The following ZEB1 variants were observed in gnomAD, a reference collection of about 807,000 sequenced individuals.
ZEB1 encodes zinc finger E-box binding homeobox 1, also known as zinc finger E-box-binding homeobox 1.
ZEB1 carries 21 observed loss-of-function variants against 84.9 expected under a neutral mutation model. The observed-to-expected ratio is 0.25, with a 90% confidence interval of 0.18 to 0.36. ZEB1 has a LOEUF of 0.36. Among genes scored for constraint, ZEB1 ranks in the 10% least tolerant of loss-of-function variants. ZEB1 has a pLI of 1.00. For synonymous variants in ZEB1, 420 were observed against 471.1 expected (o/e 0.89, Z 1.41); for missense variants, 1,104 against 1,330.2 (o/e 0.83, Z 2.65).
At chr10:31,334,551 A>G (rs1052036676) in intron 1 of ZEB1, among the ~76,000 whole-genome samples, 14 of 152,112 alleles carry the variant, frequency 9.2e-5, no homozygotes, top group Admixed American at 2.0e-4. Context: ...GAAAAAAAGC[A>G]TACTCCCCGA....
In ZEB1 at chr10:31,364,658, A is replaced by G. The variant is rs537010343; in HGVS notation, c.58+45366A>G. Among the ~76,000 whole-genome samples the G allele has an allele frequency of 9.2e-5, 14 of 152,170 alleles. No individual in the cohort carries two copies. In the South Asian group the frequency reaches 2.9e-3, roughly 32 times the overall value. On this transcript the variant is annotated intron_variant, in intron 1 of 8. Transcript: ENST00000424869. Reference sequence around the variant, plus strand: ...CCTGACTGGATGCACCTCTTACCACATGCCTCCCTGGCAGGCAGGGTCTCC... The same window carrying G: ...CCTGACTGGATGCACCTCTTACCACGTGCCTCCCTGGCAGGCAGGGTCTCC...
intron 1 of ZEB1, chr10:31,321,458 T>C: frequency 1.2e-6 from 2 of 1,614,014 alleles, no homozygotes; most frequent in Non-Finnish European, 1.7e-6. Context: ...CAATTTTAAT[T>C]TCCTGTTTTA....
At chr10:31,489,191 A>G (rs78872439) in intron 2 of ZEB1, among the ~76,000 whole-genome samples, 2,302 of 151,382 alleles carry the variant, frequency 0.015, 43 homozygotes, top group African/African-American at 0.052. Flanking sequence ...TTCTTGGCAA[A>G]TTGACCCTCT....
intron 1 of ZEB1, among the ~76,000 whole-genome samples, chr10:31,424,586 G>C (rs2136112483): frequency 6.6e-6 from 1 of 151,998 alleles, no homozygotes; most frequent in South Asian, 2.1e-4. Context: ...TTTCATTTCA[G>C]AATGACCTTA....
intron 1 of ZEB1, among the ~76,000 whole-genome samples, chr10:31,449,257 C>T (rs567760841): frequency 5.3e-5 from 8 of 152,380 alleles, no homozygotes; most frequent in African/African-American, 1.4e-4. Context: ...GGCAATGCCT[C>T]GCCCTGCTTC....
chr10:31,330,842 C>T (rs1399349323), intron 1 of ZEB1, among the ~76,000 whole-genome samples: 2 of 109,616 alleles, frequency 1.8e-5, no homozygotes, highest in Non-Finnish European at 3.9e-5. Flanking sequence ...TTTAACTTTT[C>T]TGTTTTATTT....
At chr10:31,326,649 G>A (rs963143103) in intron 1 of ZEB1, among the ~76,000 whole-genome samples, 3 of 151,992 alleles carry the variant, frequency 2.0e-5, no homozygotes, top group Admixed American at 1.3e-4. Context: ...TTCCTAGTTC[G>A]GTATTCTTTT....
In ZEB1 at chr10:31,520,739, T is replaced by C; in HGVS notation, c.1407T>C (p.Asp469=). ...SAISLPLVDQ[D]GTTKIIINYS... is the part of the protein sequence containing the mutation. ...TCAGTCTTCCTTTGGTTGATCAAGA[T>C]GGAACAACCAAAATTATCATCAACT... The change falls in exon 7 of 9, where the codon GAT becomes GAC. Residue 469 remains aspartate (D), a synonymous_variant. Coordinates refer to ENST00000424869, the MANE Select transcript of ZEB1 (RefSeq NM_001174096.2). This position sits in a 1 kb window ranked among gnomAD's most constrained non-coding sequence, Gnocchi z 5.1. 1 of 1,614,104 alleles carries C rather than the reference T, an allele frequency of 6.2e-7. No homozygotes were observed. The highest frequency in any genetic ancestry group is 8.5e-7 in the Non-Finnish European group (1 of 1,179,998).
intron 1 of ZEB1, among the ~76,000 whole-genome samples, chr10:31,367,888 G>A (rs2044842303): frequency 1.3e-5 from 2 of 151,624 alleles, no homozygotes. Flanking sequence ...AGAACATTGA[G>A]GAAAATTTTT....
chr10:31,397,669 A>T (rs755017357), intron 1 of ZEB1, among the ~76,000 whole-genome samples: 21 of 152,194 alleles, frequency 1.4e-4, no homozygotes, highest in Non-Finnish European at 2.8e-4. Context: ...CTATTTTTGT[A>T]TGGCCTATGA....
intron 1 of ZEB1, among the ~76,000 whole-genome samples, chr10:31,446,719 A>C (rs374260175): frequency 6.6e-6 from 1 of 152,066 alleles, no homozygotes; most frequent in African/African-American, 2.4e-5. Flanking sequence ...GTAGTTGAGC[A>C]GCTTTGAGTG....
chr10:31,421,763 A>G (rs1036887260), intron 1 of ZEB1, among the ~76,000 whole-genome samples: 1 of 152,082 alleles, frequency 6.6e-6, no homozygotes, highest in African/African-American at 2.4e-5. Flanking sequence ...TAAAACTACC[A>G]TATTTTATTA....
rs2063483472 is a variant in ZEB1 at position 31,472,915 on chromosome 10, A to C, written c.259+11678A>C. On this transcript the variant is annotated intron_variant, in intron 2 of 8. Transcript: ENST00000424869. ...AAGGCTGGTTCAATATACCCAAATCAATAAATGTAATCCAGCATATAAACA... is the reference window on the plus strand; with the variant it reads ...AAGGCTGGTTCAATATACCCAAATCCATAAATGTAATCCAGCATATAAACA... Among the ~76,000 whole-genome samples, 3 of 124,756 alleles carry C rather than the reference A, an allele frequency of 2.4e-5. No homozygotes were observed. The South Asian group carries it at 7.0e-4, about 29-fold the overall frequency. The allele number at this position is 124,756 out of a possible 152,430, so 81.8% of individuals were successfully genotyped here. A position where few individuals can be genotyped will look rare whatever the true frequency, so the allele number is the denominator to read the frequency against.
chr10:31,407,252 C>G (rs1440925935), intron 1 of ZEB1, among the ~76,000 whole-genome samples: 1 of 122,898 alleles, frequency 8.1e-6, no homozygotes. Flanking sequence ...CCCCTCCCCC[C>G]ACCCCACCAC....
In ZEB1 at chr10:31,385,284, T is replaced by A. The variant is rs181428260; in HGVS notation, c.58+65992T>A. Among the ~76,000 whole-genome samples the A allele has an allele frequency of 2.0e-4, 30 of 152,328 alleles. 1 individual carries two copies. The highest frequency in any genetic ancestry group is 1.8e-3 in the Admixed American group (27 of 15,280). The stretch of plus-strand genomic sequence containing the variant: ...CCATACAGCAAATGGTATTTTATAC[T>A]CTGAAATGAAATGCACCATACACAT... On this transcript the variant is annotated intron_variant, in intron 1 of 8. Transcript: ENST00000424869.
chr10:31,414,262 C>G (rs2054816592), intron 1 of ZEB1, among the ~76,000 whole-genome samples: 1 of 152,076 alleles, frequency 6.6e-6, no homozygotes, highest in Admixed American at 6.6e-5. Context: ...CTTGTTTTTT[C>G]TATCTTCTCA....
At chr10:31,325,972 T>G (rs1469052136) in intron 1 of ZEB1, among the ~76,000 whole-genome samples, 2 of 150,850 alleles carry the variant, frequency 1.3e-5, no homozygotes, top group Non-Finnish European at 3.0e-5. Flanking sequence ...TTTGGGTTTT[T>G]TTTTTTTTTT....
intron 1 of ZEB1, among the ~76,000 whole-genome samples, chr10:31,380,059 G>T (rs1377825331): frequency 6.6e-6 from 1 of 152,008 alleles, no homozygotes; most frequent in African/African-American, 2.4e-5. Context: ...CGTTTAGATT[G>T]TTCTTTCAGA....
upstream of ZEB1, chr10:31,318,857 C>T (rs2032869529): frequency 7.5e-5 from 26 of 348,370 alleles, 1 homozygote; most frequent in South Asian, 6.0e-4. Context: ...CGGGTGTGGC[C>T]AGCGCGGAGG....
Sources: allele counts gnomAD v4.1 joint callset (sites outside exome capture counted in the v4.1 genomes callset), GRCh38; gene constraint gnomAD v4.1.1; non-coding constraint Gnocchi (gnomAD v3.1); transcripts MANE v1.5; gene names NCBI Gene and HGNC (gene_info 2026-07-23, HGNC 2026-07-21).